EXOC4: variants seen among roughly 807,000 people sequenced by gnomAD.
The protein encoded by EXOC4 is exocyst complex component 4, also known as SEC8-like 1.
EXOC4 carries 71 observed loss-of-function variants against 107.2 expected under a neutral mutation model. The observed-to-expected ratio is 0.66, with a 90% confidence interval of 0.55 to 0.81. The LOEUF is 0.81. Ranked by LOEUF, EXOC4 falls within the 30% of genes least tolerant of loss-of-function variation. The pLI is 0.00. For synonymous variants in EXOC4, 456 were observed against 441.2 expected (o/e 1.03, Z -0.42); for missense variants, 1,108 against 1,189.6 (o/e 0.93, Z 1.01).
intron 5 of EXOC4, among the ~76,000 whole-genome samples, chr7:133,344,197 T>C (rs1163156536): frequency 6.6e-6 from 1 of 152,102 alleles, no homozygotes; most frequent in Non-Finnish European, 1.5e-5. Flanking sequence ...TCCATATCTT[T>C]TCTTAGTTTT....
intron 2 of EXOC4, among the ~76,000 whole-genome samples, chr7:133,275,608 A>G (rs998538878): frequency 2.0e-5 from 3 of 152,156 alleles, no homozygotes; most frequent in Admixed American, 6.5e-5. Context: ...TGGCTGACCT[A>G]TTGACACTCA....
intron 10 of EXOC4, among the ~76,000 whole-genome samples, chr7:133,678,760 G>A (rs1794121072): frequency 6.6e-6 from 1 of 151,952 alleles, no homozygotes; most frequent in Admixed American, 6.6e-5. Flanking sequence ...ACAGGCGCAT[G>A]CCTCCACACC....
chr7:133,260,792 TGTGTG>T (rs1017423492), intron 1 of EXOC4, among the ~76,000 whole-genome samples: 9 of 148,410 alleles, frequency 6.1e-5, no homozygotes, highest in Admixed American at 4.0e-4. Context: ...TCTCAGCAAT[TGTGTG>T]TGTGTGTGTG....
rs572916485 is a variant in EXOC4 at position 133,326,590 on chromosome 7, C to T, written c.763+9200C>T. ...GGAAGCTTCGTCTCAGAGGGGCAGC[C>T]GGCTGTGTGAGGTGTCATTCTGCCC... is the stretch of plus-strand genomic sequence containing the variant. On this transcript the variant is annotated intron_variant, in intron 5 of 17. Transcript: ENST00000253861. Among the ~76,000 whole-genome samples the T allele has an allele frequency of 1.6e-3, 245 of 152,258 alleles. 3 individuals carry two copies. The highest frequency in any genetic ancestry group is 3.9e-3 in the South Asian group (19 of 4,824).
chr7:133,553,728 C>T (rs1800635654), intron 9 of EXOC4, among the ~76,000 whole-genome samples: 1 of 151,998 alleles, frequency 6.6e-6, no homozygotes, highest in South Asian at 2.1e-4. Flanking sequence ...GGATGGCAGC[C>T]GGGGAGAGAA....
intron 9 of EXOC4, among the ~76,000 whole-genome samples, chr7:133,590,155 A>G (rs976384297): frequency 2.0e-5 from 3 of 152,056 alleles, no homozygotes; most frequent in African/African-American, 7.2e-5. Flanking sequence ...CCCAGTGCAC[A>G]TGCAGGCCCC....
intron 7 of EXOC4, among the ~76,000 whole-genome samples, chr7:133,431,553 T>C (rs1489459539): frequency 2.0e-5 from 3 of 152,238 alleles, no homozygotes; most frequent in African/African-American, 7.2e-5. Context: ...TTCCTTTCTT[T>C]CCTAATCACT....
chr7:133,799,827 G>A (rs1796895859), intron 10 of EXOC4, among the ~76,000 whole-genome samples: 2 of 152,162 alleles, frequency 1.3e-5, no homozygotes, highest in Admixed American at 6.5e-5. Flanking sequence ...CCAGAAGAAG[G>A]TATGGACTAG....
intron 9 of EXOC4, among the ~76,000 whole-genome samples, chr7:133,594,896 A>C (rs1801631314): frequency 6.6e-6 from 1 of 152,172 alleles, no homozygotes; most frequent in Admixed American, 6.5e-5. Flanking sequence ...ATAATGATAA[A>C]AATGAAGCAG....
At position 133,321,273 on chromosome 7, in the gene EXOC4, C is replaced by CT. The variant is rs955363972; in HGVS notation, c.763+3894dup. On this transcript the variant is annotated intron_variant, in intron 5 of 17. Transcript: ENST00000253861. ...TATTTTGAGGTAGAGTTGTGGGTGA[C>CT]TTTTTTTTTTTAAATTATACTTTAA... 1.6e-3 allele frequency among the ~76,000 whole-genome samples: 227 copies of CT among 145,956 alleles called. 1 individual carries two copies. The highest frequency in any genetic ancestry group is 0.011 in the Middle Eastern group (3 of 282).
At chr7:133,440,141 A>G in intron 7 of EXOC4, among the ~76,000 whole-genome samples, 1 of 152,144 alleles carries the variant, frequency 6.6e-6, no homozygotes, top group East Asian at 1.9e-4. Context: ...TGCATAGGTA[A>G]CATTAACTAC....
At chr7:133,866,976 G>T (rs1798654569) in intron 11 of EXOC4, among the ~76,000 whole-genome samples, 1 of 152,224 alleles carries the variant, frequency 6.6e-6, no homozygotes, top group Non-Finnish European at 1.5e-5. Context: ...AGGATCACTT[G>T]CAAGTCCCTT....
chr7:133,645,085 CCTTT>C (rs1405069818), intron 10 of EXOC4, among the ~76,000 whole-genome samples: 1 of 66,800 alleles, frequency 1.5e-5, no homozygotes, highest in Non-Finnish European at 2.8e-5. Context: ...CCTTCTGCCA[CCTTT>C]TTTTTTTTTT....
At chr7:133,882,197 C>T (rs1218058724) in intron 11 of EXOC4, among the ~76,000 whole-genome samples, 1 of 152,150 alleles carries the variant, frequency 6.6e-6, no homozygotes, top group East Asian at 1.9e-4. Flanking sequence ...TGCTCTTTTT[C>T]ATTGCTCTGT....
intron 17 of EXOC4, among the ~76,000 whole-genome samples, chr7:134,062,978 C>T (rs1796100816): frequency 6.6e-6 from 1 of 152,256 alleles, no homozygotes; most frequent in South Asian, 2.1e-4. Flanking sequence ...AGAATTGTAA[C>T]CAATGCCCTG....
chr7:133,477,689 A>G (rs1344636999), intron 8 of EXOC4, among the ~76,000 whole-genome samples: 1 of 152,236 alleles, frequency 6.6e-6, no homozygotes, highest in Non-Finnish European at 1.5e-5. Context: ...TTACTGGATC[A>G]TTCAGTGATA....
chr7:133,433,989 T>C (rs976244736), intron 7 of EXOC4, among the ~76,000 whole-genome samples: 3 of 152,210 alleles, frequency 2.0e-5, no homozygotes, highest in Non-Finnish European at 4.4e-5. Flanking sequence ...ACAAAGATAG[T>C]ATCTTTAATT....
downstream of EXOC4, among the ~76,000 whole-genome samples, chr7:134,068,617 C>T (rs1796219752): frequency 6.6e-6 from 1 of 152,190 alleles, no homozygotes; most frequent in Admixed American, 6.5e-5. Context: ...TCCTTAGGTA[C>T]TATTACTTCT....
chr7:134,063,308 C>T (rs1439933965), intron 17 of EXOC4, among the ~76,000 whole-genome samples: 2 of 152,214 alleles, frequency 1.3e-5, no homozygotes, highest in East Asian at 1.9e-4. Flanking sequence ...CCACACCATC[C>T]CCTCAGCATG....
Sources: allele counts gnomAD v4.1 joint callset (sites outside exome capture counted in the v4.1 genomes callset), GRCh38; gene constraint gnomAD v4.1.1; transcripts MANE v1.5; gene names NCBI Gene and HGNC (gene_info 2026-07-23, HGNC 2026-07-21).